The following ZNF486 variants were observed in gnomAD, a reference collection of about 807,000 sequenced individuals.
The protein encoded by ZNF486 is KRAB box only protein 2.
In ZNF486, 12 loss-of-function variants were observed where a neutral mutation model predicts 12.8. That is an observed-to-expected ratio of 0.94 (90% CI 0.60 to 1.52). The LOEUF (loss-of-function observed/expected upper bound fraction) is 1.52. Ranked by LOEUF, ZNF486 falls within the 40% of genes most tolerant of loss-of-function variation. The pLI is 0.00. For synonymous variants in ZNF486, 231 were observed against 184.9 expected, an observed-to-expected ratio of 1.25 and a Z score of -2.02; for missense variants, 738 against 545.0, an observed-to-expected ratio of 1.35 and a Z score of -3.53.
chr19:20,197,158 C>G lies in ZNF486; in HGVS notation c.448C>G (p.Gln150Glu). The G allele has an allele frequency of 6.2e-7, 1 of 1,613,770 alleles. No homozygotes were observed. The highest frequency in any genetic ancestry group is 8.5e-7 in the Non-Finnish European group (1 of 1,179,946). Residue 150 changes from glutamine (Q) to glutamate (E), a missense_variant, in exon 4 of 4, where the codon CAG becomes GAG. Gln to Glu is a conservative substitution (Grantham distance 29, BLOSUM62 2). Coordinates refer to ENST00000335117, the MANE Select transcript of ZNF486 (RefSeq NM_052852.4). ...ACTTAACCAATGTTTGACAACTACC[C>G]AGAGCAAAATATTTCAATGTGGTAA... ...NGLNQCLTTTQSKIFQCGKYV... is the reference protein window; with the variant it reads ...NGLNQCLTTTESKIFQCGKYV...
intron 3 of ZNF486, chr19:20,188,514 C>T: frequency 2.5e-6 from 1 of 398,328 alleles, no homozygotes; most frequent in Non-Finnish European, 4.4e-6. Flanking sequence ...GGAGACCCCT[C>T]TTTATAAAAA....
chr19:20,183,294 G>A lies in ZNF486; in HGVS notation c.31-1062G>A, dbSNP rs373359711. On this transcript the variant is annotated intron_variant, in intron 1 of 3. Transcript: ENST00000335117. ...TAGATGAAGAACATGTAATGTTGAG[G>A]CTTCATCTGTATGTTCCATTAGCTC... Among the ~76,000 whole-genome samples the A allele has an allele frequency of 2.6e-5, 4 of 152,260 alleles. No homozygotes were observed. In the East Asian group the frequency reaches 7.7e-4, roughly 29 times the overall value.
At chr19:20,195,552 C>T (rs1488756452) in intron 3 of ZNF486, among the ~76,000 whole-genome samples, 5 of 151,960 alleles carry the variant, frequency 3.3e-5, no homozygotes, top group African/African-American at 9.7e-5. Flanking sequence ...TTTGATGGGG[C>T]CATGTTCTAA....
chr19:20,194,704 T>G (rs860720), intron 3 of ZNF486, among the ~76,000 whole-genome samples: 56,388 of 151,796 alleles, frequency 0.37, 14,570 homozygotes, highest in African/African-American at 0.72. Context: ...CTCCAGCTTG[T>G]GCAACAAGAT....
chr19:20,191,407 C>T (rs1227904143), intron 3 of ZNF486, among the ~76,000 whole-genome samples: 120 of 123,798 alleles, frequency 9.7e-4, no homozygotes, highest in Middle Eastern at 6.8e-3. Context: ...GCGGAGCTTG[C>T]AGTGAGCTGA....
intron 3 of ZNF486, among the ~76,000 whole-genome samples, chr19:20,190,656 G>T (rs1204555177): frequency 3.9e-5 from 6 of 152,124 alleles, no homozygotes; most frequent in African/African-American, 1.4e-4. Flanking sequence ...AAGTGTTAGG[G>T]TTATAGGCAA....
rs1253729149 is a variant in ZNF486, at chr19:20,197,096, T to A, written c.386T>A (p.Val129Glu). The change falls in exon 4 of 4, where the codon GTG becomes GAG. Residue 129 changes from valine to glutamate, a missense_variant. Coordinates refer to ENST00000335117, the MANE Select transcript of ZNF486 (RefSeq NM_052852.4). ...NLHFKKGCES[V>E]DECKLHKRGY... The stretch of plus-strand genomic sequence containing the variant: ...CACTTTAAAAAAGGCTGTGAAAGTG[T>A]GGATGAGTGTAAGTTACACAAAAGA... 2.7e-5 allele frequency: 43 copies of A among 1,613,132 alleles called. No homozygotes were observed. Among genetic ancestry groups the A allele is most frequent in the Non-Finnish European group, 3.6e-5 (42 of 1,179,876 alleles).
intron 1 of ZNF486, among the ~76,000 whole-genome samples, chr19:20,180,716 G>A (rs1389913830): frequency 1.3e-5 from 2 of 152,106 alleles, no homozygotes; most frequent in African/African-American, 2.4e-5. Flanking sequence ...TGGGATTGCT[G>A]GCCCCAGCCA....
rs999492207 is a variant in ZNF486 at position 20,199,285 on chromosome 19, T to G, written c.*1183T>G. ...ACAAGCATTACAAATATAAAGAGGT[T>G]TGTAGTACCTTTGCTTGTATTACAG... On this transcript the variant is annotated 3_prime_UTR_variant, in exon 4 of 4. Coordinates refer to ENST00000335117, the MANE Select transcript of ZNF486 (RefSeq NM_052852.4). The G allele has an allele frequency of 2.6e-5, 4 of 152,202 alleles. No homozygotes were observed. Among genetic ancestry groups the G allele is most frequent in the African/African-American group, 7.2e-5 (3 of 41,460 alleles). The allele number at this position is 152,202 out of a possible 1,614,324, so 9.4% of individuals were successfully genotyped here. A position where few individuals can be genotyped will look rare whatever the true frequency, so the allele number is the denominator to read the frequency against.
rs781936418 is a variant in ZNF486 at position 20,197,640 on chromosome 19, T to C, written c.930T>C (p.Ser310=). 2.3e-5 allele frequency: 37 copies of C among 1,613,728 alleles called. No homozygotes were observed. Among genetic ancestry groups the C allele is most frequent in the Non-Finnish European group, 3.0e-5 (35 of 1,179,852 alleles). The change falls in exon 4 of 4, where the codon TCT becomes TCC. Residue 310 remains serine, a synonymous_variant. Transcript: ENST00000335117. ...CTTTTAACCATCCTGCAACTCTTTC[T>C]TCACATAAGAAAATTCATACTGGAG... ...DKAFNHPATL[S]SHKKIHTGEK...
At chr19:20,168,578 C>T (rs2089610720) in intron 1 of ZNF486, among the ~76,000 whole-genome samples, 1 of 151,424 alleles carries the variant, frequency 6.6e-6, no homozygotes, top group Admixed American at 6.6e-5. Context: ...TGCTTGAACC[C>T]GGGAGGAGGA....
At position 20,198,505 on chromosome 19, in the gene ZNF486, C is replaced by A; in HGVS notation, c.*403C>A. 5.4e-6 allele frequency: 1 copy of A among 186,782 alleles called. No individual in the cohort carries two copies. Among genetic ancestry groups the A allele is most frequent in the Non-Finnish European group, 1.1e-5 (1 of 87,562 alleles). The allele number at this position is 186,782 out of a possible 1,614,324, so 11.6% of individuals were successfully genotyped here. On this transcript the variant is annotated 3_prime_UTR_variant, in exon 4 of 4. Transcript: ENST00000335117. ...ATGTGGCAAGCCTGTAACAAGTTCT[C>A]AATTCTTTTATTTTTATTTGTTTAT...
intron 1 of ZNF486, among the ~76,000 whole-genome samples, chr19:20,180,377 GTGAA>G (rs2122648097): frequency 6.6e-6 from 1 of 152,080 alleles, no homozygotes; most frequent in South Asian, 2.1e-4. Context: ...AAAAAAATAC[GTGAA>G]GCAGTCATGG....
Position 20,194,685 on chromosome 19 carries a change from A to G in ZNF486, c.254-2279A>G, listed in dbSNP as rs535090020. Among the ~76,000 whole-genome samples, 6 of 152,234 alleles carry G rather than the reference A, an allele frequency of 3.9e-5. No individual in the cohort carries two copies. In the South Asian group the frequency reaches 1.2e-3, roughly 32 times the overall value. ...GGAGGTTGCAGTGAGCCAAGATTGC[A>G]TCATTGCACTCCAGCTTGTGCAACA... On this transcript the variant is annotated intron_variant, in intron 3 of 3. Transcript: ENST00000335117.
At chr19:20,188,643 T>C (rs2089873399) in intron 3 of ZNF486, 1 of 394,518 alleles carries the variant, frequency 2.5e-6, no homozygotes, top group Non-Finnish European at 4.5e-6. Flanking sequence ...TGAGACCCTG[T>C]CTCCAAAAAA....
At chr19:20,172,222 T>C (rs1432932347) in intron 1 of ZNF486, among the ~76,000 whole-genome samples, 1 of 152,096 alleles carries the variant, frequency 6.6e-6, no homozygotes, top group Non-Finnish European at 1.5e-5. Flanking sequence ...AGGCTGATCA[T>C]AAAGTTCCAA....
chr19:20,179,005 G>A (rs1555715198), intron 1 of ZNF486, among the ~76,000 whole-genome samples: 1 of 152,178 alleles, frequency 6.6e-6, no homozygotes, highest in Non-Finnish European at 1.5e-5. Context: ...TGCCATTCAG[G>A]CCCTAAATCT....
intron 1 of ZNF486, 71 bp from the exon 2 acceptor site, chr19:20,184,285 C>A (rs1384908173): frequency 6.3e-7 from 1 of 1,599,946 alleles, no homozygotes; most frequent in African/African-American, 1.3e-5. Context: ...CTTACTCTCT[C>A]ATTTCACCTT....
At chr19:20,177,810 A>G (rs1489685403) in intron 1 of ZNF486, among the ~76,000 whole-genome samples, 7 of 152,228 alleles carry the variant, frequency 4.6e-5, no homozygotes, top group Admixed American at 6.5e-5. Flanking sequence ...TCTTGACCTC[A>G]GGTGATCCAC....
Sources: gnomAD v4.1 joint callset for allele counts (sites outside exome capture counted in the v4.1 genomes callset) on GRCh38, gnomAD v4.1.1 for gene constraint, MANE v1.5 for transcripts, NCBI Gene and HGNC (gene_info 2026-07-23, HGNC 2026-07-21) for gene names.